The following RIMKLA variants were observed in gnomAD, a reference collection of about 807,000 sequenced individuals.
The protein encoded by RIMKLA is ribosomal modification protein rimK like family member A, also known as N-acetylaspartylglutamate synthase A.
RIMKLA carries 14 observed loss-of-function variants against 32.7 expected under a neutral mutation model. That is an observed-to-expected ratio of 0.43 (90% confidence interval 0.28 to 0.67). RIMKLA has a LOEUF of 0.67. RIMKLA is among the 30% of genes least tolerant of loss of function. RIMKLA has a pLI of 0.18. For missense variants in RIMKLA, 410 were observed against 519.0 expected, an observed-to-expected ratio of 0.79 and a Z score of 2.04; for synonymous variants, 176 against 204.1, an observed-to-expected ratio of 0.86 and a Z score of 1.18.
intron 2 of RIMKLA, 145 bp downstream of exon 2, chr1:42,399,779 A>G (rs973955874): frequency 1.6e-6 from 1 of 620,502 alleles, no homozygotes; most frequent in African/African-American, 1.8e-5. Flanking sequence ...TGGCCTTTCT[A>G]TCTGAAAATG....
intron 1 of RIMKLA, among the ~76,000 whole-genome samples, chr1:42,384,119 G>A (rs1034440239): frequency 6.6e-6 from 1 of 152,144 alleles, no homozygotes; most frequent in African/African-American, 2.4e-5. Flanking sequence ...TCTCCCTGGA[G>A]GCTAGTGGGA....
chr1:42,391,690 G>A (rs1453160430), intron 1 of RIMKLA, among the ~76,000 whole-genome samples: 1 of 152,092 alleles, frequency 6.6e-6, no homozygotes, highest in Non-Finnish European at 1.5e-5. Context: ...AGCTATATGG[G>A]GTATACAGTC....
intron 4 of RIMKLA, 55 bp downstream of exon 4, chr1:42,410,242 G>A (rs553738192): frequency 6.9e-7 from 1 of 1,444,090 alleles, no homozygotes; most frequent in Non-Finnish European, 9.7e-7. Flanking sequence ...TTCAGCAAAT[G>A]TATATCGATC....
In RIMKLA at chr1:42,394,578, T is replaced by C. The variant is rs563844559; in HGVS notation, c.164-4826T>C. 2.6e-5 allele frequency among the ~76,000 whole-genome samples: 4 copies of C among 152,354 alleles called. No homozygotes were observed. The South Asian group carries it at 8.3e-4, about 32-fold the overall frequency. On this transcript the variant is annotated intron_variant, in intron 1 of 4. Coordinates refer to ENST00000431473, the MANE Select transcript of RIMKLA (RefSeq NM_173642.4). ...AAATCTGAACTACAAGACCTTTTAT[T>C]ATCCATGCCTCTGCTTCCCTCTGTT...
At chr1:42,390,597 A>C (rs1642992477) in intron 1 of RIMKLA, among the ~76,000 whole-genome samples, 1 of 152,184 alleles carries the variant, frequency 6.6e-6, no homozygotes. Flanking sequence ...TAGATGTGAT[A>C]GTGGGAACTT....
intron 3 of RIMKLA, among the ~76,000 whole-genome samples, chr1:42,409,167 A>C (rs1643175022): frequency 7.1e-6 from 1 of 140,890 alleles, no homozygotes; most frequent in South Asian, 2.4e-4. Context: ...GCGCCACTGC[A>C]CTATAGCCTG....
chr1:42,393,203 T>C (rs1382390022), intron 1 of RIMKLA, among the ~76,000 whole-genome samples: 2 of 93,226 alleles, frequency 2.1e-5, no homozygotes, highest in Non-Finnish European at 4.6e-5. Flanking sequence ...AGAGACTACT[T>C]GCACTTAAAT....
intron 1 of RIMKLA, among the ~76,000 whole-genome samples, chr1:42,386,713 TA>T (rs34046316): frequency 0.37 from 51,302 of 139,878 alleles, 9,414 homozygotes; most frequent in Middle Eastern, 0.52. Context: ...CCGTCTCTAC[TA>T]AAAAAAAAAA....
chr1:42,389,470 GGAGA>G (rs142327066), intron 1 of RIMKLA, among the ~76,000 whole-genome samples: 22,839 of 151,982 alleles, frequency 0.15, 1,806 homozygotes, highest in East Asian at 0.22. Flanking sequence ...TAAGCCAAGT[GGAGA>G]GAGAAAGTTG....
In RIMKLA at chr1:42,415,662, A is replaced by G. The variant is rs1428043380; in HGVS notation, c.*688A>G. Reference sequence around the variant, plus strand: ...CTCTGAATTTATAGACCCTGCTTCAACTAACGTCAGCTCTAGCAGCTTCTT... The same window carrying G: ...CTCTGAATTTATAGACCCTGCTTCAGCTAACGTCAGCTCTAGCAGCTTCTT... On this transcript the variant is annotated 3_prime_UTR_variant, in exon 5 of 5. Coordinates refer to ENST00000431473, the MANE Select transcript of RIMKLA (RefSeq NM_173642.4). 1 of 152,212 alleles carries G rather than the reference A, an allele frequency of 6.6e-6. No homozygotes were observed. Among genetic ancestry groups the G allele is most frequent in the Non-Finnish European group, 1.5e-5 (1 of 68,040 alleles). The allele number at this position is 152,212 out of a possible 1,614,324, so 9.4% of individuals were successfully genotyped here. A position where few individuals can be genotyped will look rare whatever the true frequency, so the allele number is the denominator to read the frequency against.
At chr1:42,413,948 G>A (rs1570332365) in intron 4 of RIMKLA, among the ~76,000 whole-genome samples, 1 of 150,816 alleles carries the variant, frequency 6.6e-6, no homozygotes, top group African/African-American at 2.4e-5. Flanking sequence ...GTAGAGATGG[G>A]GTCTCACTGT....
At chr1:42,412,459 A>C in intron 4 of RIMKLA, 1 of 333,294 alleles carries the variant, frequency 3.0e-6, no homozygotes, top group South Asian at 2.6e-5. Context: ...TTCACAGGCC[A>C]TGATGGCCAT....
intron 1 of RIMKLA, among the ~76,000 whole-genome samples, chr1:42,394,458 T>C (rs905407940): frequency 6.6e-6 from 1 of 152,236 alleles, no homozygotes; most frequent in Non-Finnish European, 1.5e-5. Context: ...ATCTGTATTA[T>C]AAGACACCTT....
rs763208679 is a variant in RIMKLA, at chr1:42,410,205, AG to A, written c.685+21del. ...CTCTCTCGGTAAGGTATAAAAGCACAGGGTTTTATTAGGGTATTTGGACCCA... is the reference window on the plus strand; with the variant it reads ...CTCTCTCGGTAAGGTATAAAAGCACAGGTTTTATTAGGGTATTTGGACCCA... On this transcript the variant is annotated intron_variant, in intron 4 of 4. Coordinates refer to ENST00000431473, the MANE Select transcript of RIMKLA (RefSeq NM_173642.4). 8.7e-6 allele frequency: 14 copies of A among 1,604,148 alleles called. No homozygotes were observed. Among genetic ancestry groups the A allele is most frequent in the Non-Finnish European group, 4.3e-6 (5 of 1,171,118 alleles).
intron 1 of RIMKLA, among the ~76,000 whole-genome samples, chr1:42,395,413 C>T (rs904070029): frequency 6.6e-6 from 1 of 151,604 alleles, no homozygotes; most frequent in South Asian, 2.1e-4. Flanking sequence ...CAAGCCCACC[C>T]CATGAGTCTG....
chr1:42,381,876 C>T (rs1022456557), intron 1 of RIMKLA, among the ~76,000 whole-genome samples: 2 of 152,270 alleles, frequency 1.3e-5, no homozygotes, highest in Admixed American at 1.3e-4. Context: ...GAATCCCTGA[C>T]GCAGAAAACC....
intron 3 of RIMKLA, among the ~76,000 whole-genome samples, chr1:42,405,725 T>C (rs778166135): frequency 6.6e-6 from 1 of 152,206 alleles, no homozygotes; most frequent in Admixed American, 6.5e-5. Context: ...CACAGTTGCA[T>C]TGCAGGGTGA....
At chr1:42,384,532 C>CAT (rs1016382803) in intron 1 of RIMKLA, among the ~76,000 whole-genome samples, 1 of 138,794 alleles carries the variant, frequency 7.2e-6, no homozygotes, top group Non-Finnish European at 1.6e-5. Context: ...TGTATATATA[C>CAT]ATATATATGT....
At chr1:42,388,544 G>A (rs1642970630) in intron 1 of RIMKLA, among the ~76,000 whole-genome samples, 1 of 141,506 alleles carries the variant, frequency 7.1e-6, no homozygotes, top group Non-Finnish European at 1.5e-5. Context: ...TTTTGAGATG[G>A]AATCTTGCTC....
Sources: gnomAD v4.1 joint callset for allele counts (sites outside exome capture counted in the v4.1 genomes callset) on GRCh38, gnomAD v4.1.1 for gene constraint, MANE v1.5 for transcripts, NCBI Gene and HGNC (gene_info 2026-07-23, HGNC 2026-07-21) for gene names.